LARP1: variants seen among roughly 807,000 people sequenced by gnomAD.
LARP1 encodes the protein la-related protein 1.
LARP1 carries 36 observed loss-of-function variants against 122.7 expected under a neutral mutation model. That is an observed-to-expected ratio of 0.29 (90% confidence interval 0.22 to 0.39). The LOEUF is 0.39. Among genes scored for constraint, LARP1 ranks in the 10% least tolerant of loss-of-function variants. The pLI is 1.00. For synonymous variants in LARP1, 539 were observed against 528.7 expected, an observed-to-expected ratio of 1.02 and a Z score of -0.27; for missense variants, 1,040 against 1,403.6, an observed-to-expected ratio of 0.74 and a Z score of 4.14.
intron 1 of LARP1, among the ~76,000 whole-genome samples, chr5:154,733,288 A>G (rs141077550): frequency 6.6e-6 from 1 of 152,374 alleles, no homozygotes; most frequent in East Asian, 1.9e-4. Context: ...GTCTAGCAGC[A>G]TAGCCAGGCT....
At position 154,764,865 on chromosome 5, in the gene LARP1, A is replaced by G. The variant is rs1225832563; in HGVS notation, c.436+8672A>G. On this transcript the variant is annotated intron_variant, in intron 1 of 18. Transcript: ENST00000518297. ...GGTTGCAGTGAGCCGAGATCATGCC[A>G]CTGCTCTCCAGCCTGGGCAACAGAG... Among the ~76,000 whole-genome samples the G allele has an allele frequency of 2.7e-5, 4 of 149,778 alleles. No homozygotes were observed. In the East Asian group the frequency reaches 5.9e-4, roughly 22 times the overall value.
chr5:154,805,866 T>C lies in LARP1; in HGVS notation c.2547-15T>C, dbSNP rs377259423. On this transcript the variant is annotated splice_polypyrimidine_tract_variant and intron_variant, in intron 14 of 18. Coordinates refer to ENST00000518297, the MANE Select transcript of LARP1 (RefSeq NM_033551.3). ...GTGGGGAACCTGGTGACAGTATTTT[T>C]TGTGGTTTCTGTAGCTCCAGCCCCT... The C allele has an allele frequency of 6.2e-7, 1 of 1,611,490 alleles. No individual in the cohort carries two copies. The highest frequency in any genetic ancestry group is 8.5e-7 in the Non-Finnish European group (1 of 1,179,088).
intron 1 of LARP1, among the ~76,000 whole-genome samples, chr5:154,730,210 G>T (rs1308564969): frequency 2.0e-5 from 3 of 151,666 alleles, no homozygotes; most frequent in Non-Finnish European, 4.4e-5. Flanking sequence ...TTTTTTTGAG[G>T]TGGAGTCTTG....
intron 1 of LARP1, among the ~76,000 whole-genome samples, chr5:154,765,159 T>C (rs1475681464): frequency 6.6e-6 from 1 of 152,106 alleles, no homozygotes; most frequent in East Asian, 1.9e-4. Flanking sequence ...TCTGACCTCA[T>C]CTTTCATCAC....
At chr5:154,797,221 G>GGTTTTT (rs1757940079) in intron 8 of LARP1, among the ~76,000 whole-genome samples, 1 of 29,748 alleles carries the variant, frequency 3.4e-5, no homozygotes, top group African/African-American at 1.0e-4. Context: ...TGTTGTTGTT[G>GGTTTTT]TTTTTTTTTT....
Position 154,802,204 on chromosome 5 carries a change from G to A in LARP1, c.1914G>A (p.Arg638=). The change falls in exon 11 of 19, where the codon AGG becomes AGA. Residue 638 remains arginine, a synonymous_variant. Coordinates refer to ENST00000518297, the MANE Select transcript of LARP1 (RefSeq NM_033551.3). This position sits in a 1 kb window ranked among gnomAD's most constrained non-coding sequence, Gnocchi z 5.1. ...AATCTGACTATGAGATTGATGACAG[G>A]GATGTCAACAAGATCCTCATTGTCA... ...DEESDYEIDD[R]DVNKILIVTQ... is the part of the protein sequence containing the mutation. The A allele has an allele frequency of 6.2e-7, 1 of 1,614,122 alleles. No individual in the cohort carries two copies. Among genetic ancestry groups the A allele is most frequent in the Non-Finnish European group, 8.5e-7 (1 of 1,180,012 alleles).
At chr5:154,757,474 C>T (rs1754062935) in intron 1 of LARP1, among the ~76,000 whole-genome samples, 1 of 151,802 alleles carries the variant, frequency 6.6e-6, no homozygotes, top group South Asian at 2.1e-4. Context: ...GGTTTTGGGT[C>T]CGTTTGTGGT....
chr5:154,796,022 AT>A (rs536460837), intron 8 of LARP1, among the ~76,000 whole-genome samples: 16 of 95,392 alleles, frequency 1.7e-4, no homozygotes, highest in South Asian at 8.7e-4. Flanking sequence ...TTTATATATT[AT>A]ATATATTTTT....
At chr5:154,772,008 A>G (rs1052841935) in intron 1 of LARP1, among the ~76,000 whole-genome samples, 1 of 152,212 alleles carries the variant, frequency 6.6e-6, no homozygotes, top group African/African-American at 2.4e-5. Flanking sequence ...TTGTAGAAAA[A>G]TGTCCAAATA....
At chr5:154,697,202 C>CTTTTTTTTTT (rs11399407) in intron 1 of LARP1, among the ~76,000 whole-genome samples, 3 of 141,536 alleles carry the variant, frequency 2.1e-5, no homozygotes, top group Non-Finnish European at 3.1e-5. Flanking sequence ...AGCTTTTTAT[C>CTTTTTTTTTT]TTTTTTTTTT....
Position 154,755,718 on chromosome 5 carries a change from C to T in LARP1, c.-40C>T. 4.0e-6 allele frequency: 4 copies of T among 987,722 alleles called. No individual in the cohort carries two copies. The highest frequency in any genetic ancestry group is 9.3e-5 in the South Asian group (2 of 21,540). The allele number at this position is 987,722 out of a possible 1,614,324, so 61.2% of individuals were successfully genotyped here. On this transcript the variant is annotated 5_prime_UTR_variant, in exon 1 of 19. Transcript: ENST00000518297. ...CCAAGTTCGAGGCGGGGGAGGCAGC[C>T]TCGGGCGCGCCCGGCTTCTCCGGGG...
intron 1 of LARP1, among the ~76,000 whole-genome samples, chr5:154,749,084 G>C (rs1443140433): frequency 1.3e-5 from 2 of 152,208 alleles, no homozygotes; most frequent in African/African-American, 4.8e-5. Flanking sequence ...AGGAAGGTTA[G>C]TTAGGGTCAG....
chr5:154,784,382 C>A (rs1014309095), intron 1 of LARP1, among the ~76,000 whole-genome samples: 2 of 152,162 alleles, frequency 1.3e-5, no homozygotes, highest in African/African-American at 4.8e-5. Context: ...GTCGACCTAA[C>A]GGCCAAGTGT....
intron 1 of LARP1, among the ~76,000 whole-genome samples, chr5:154,723,326 A>G (rs1288607370): frequency 1.3e-5 from 2 of 152,226 alleles, no homozygotes; most frequent in African/African-American, 4.8e-5. Flanking sequence ...CTTGGGCCAT[A>G]AGTGGCCAGG....
chr5:154,689,011 T>C (rs547622671), intron 1 of LARP1, among the ~76,000 whole-genome samples: 1 of 152,252 alleles, frequency 6.6e-6, no homozygotes, highest in East Asian at 1.9e-4. Context: ...TCCAAGTTAT[T>C]AAATATGTTT....
rs1758531785 is a variant in LARP1, at chr5:154,803,757, C to T, written c.2439+12C>T. On this transcript the variant is annotated intron_variant, in intron 13 of 18. Transcript: ENST00000518297. This position sits in a 1 kb window ranked among gnomAD's most constrained non-coding sequence, Gnocchi z 4.4. ...CACTGGATGCCAAGGTGAGGCATTCCTGTCGGGCTGCTCAGAGTCTTGGGT... is the reference window on the plus strand; with the variant it reads ...CACTGGATGCCAAGGTGAGGCATTCTTGTCGGGCTGCTCAGAGTCTTGGGT... The T allele has an allele frequency of 6.2e-7, 1 of 1,611,934 alleles. No individual in the cohort carries two copies. The highest frequency in any genetic ancestry group is 8.5e-7 in the Non-Finnish European group (1 of 1,178,092).
At chr5:154,805,696 C>CT (rs1758717355) in intron 14 of LARP1, 185 bp from the exon 15 acceptor site, 5 of 620,922 alleles carry the variant, frequency 8.1e-6, no homozygotes, top group Non-Finnish European at 1.1e-5. Flanking sequence ...GTAAAACTCT[C>CT]TGAGAGTTGA....
Position 154,802,424 on chromosome 5 carries a change from T to C in LARP1, c.2109+25T>C, listed in dbSNP as rs1758421470. ...GGTGAGGCTTGGACATAGCAGTGAG[T>C]GTGGAGCCTGGTGTGCCTGTATTGT... On this transcript the variant is annotated intron_variant, in intron 11 of 18. Transcript: ENST00000518297. This position sits in a 1 kb window ranked among gnomAD's most constrained non-coding sequence, Gnocchi z 5.1. 2 of 1,561,374 alleles carry C rather than the reference T, an allele frequency of 1.3e-6. No homozygotes were observed. Among genetic ancestry groups the C allele is most frequent in the Non-Finnish European group, 8.7e-7 (1 of 1,153,794 alleles).
rs116427117 is a variant in LARP1 at position 154,733,763 on chromosome 5, A to G, written c.205+20633A>G. On this transcript the variant is annotated intron_variant, in intron 1 of 18. Coordinates refer to the LARP1 transcript ENST00000336314. ...TTTTTAGTAGAGACGAGATTTTGCC[A>G]CGTTGGCCAGGCTGGTGAGGAACTC... Among the ~76,000 whole-genome samples the G allele has an allele frequency of 3.3e-3, 502 of 152,148 alleles. 1 individual carries two copies. Among genetic ancestry groups the G allele is most frequent in the African/African-American group, 0.011 (473 of 41,500 alleles).
Sources: allele counts gnomAD v4.1 joint callset (sites outside exome capture counted in the v4.1 genomes callset), GRCh38; gene constraint gnomAD v4.1.1; non-coding constraint Gnocchi (gnomAD v3.1); transcripts MANE v1.5; gene names NCBI Gene and HGNC (gene_info 2026-07-23, HGNC 2026-07-21).